Variants in PARD3B observed in about 807,000 individuals in gnomAD.
The protein encoded by PARD3B is partitioning defective 3 homolog B.
PARD3B carries 103 observed loss-of-function variants against 130.2 expected under a neutral mutation model. That is an observed-to-expected ratio of 0.79 (90% CI 0.67 to 0.93). The LOEUF is 0.93. Ranked by LOEUF, PARD3B falls within the 40% of genes least tolerant of loss-of-function variation. PARD3B has a pLI of 0.00. For missense variants in PARD3B, 1,609 were observed against 1,499.2 expected (o/e 1.07, Z -1.21); for synonymous variants, 583 against 553.2 (o/e 1.05, Z -0.76).
chr2:204,626,103 C>T (rs1030923759), intron 1 of PARD3B, among the ~76,000 whole-genome samples: 1 of 151,924 alleles, frequency 6.6e-6, no homozygotes, highest in African/African-American at 2.4e-5. Flanking sequence ...TATAGGAGTA[C>T]TTAAAATTTG....
In PARD3B at chr2:205,287,237, T is replaced by A. The variant is rs1236739781; in HGVS notation, c.2186-13293T>A. On this transcript the variant is annotated intron_variant, in intron 16 of 22. Coordinates refer to ENST00000406610, the MANE Select transcript of PARD3B (RefSeq NM_001302769.2). This position sits in a 1 kb window ranked among gnomAD's most constrained non-coding sequence, Gnocchi z 4.8. ...GGATGAGAGATTGGAGAATAGAATA[T>A]GAAGTCAAGACTGTGAGTTACAATG... Among the ~76,000 whole-genome samples the A allele has an allele frequency of 6.6e-6, 1 of 152,198 alleles. No homozygotes were observed. The highest frequency in any genetic ancestry group is 1.5e-5 in the Non-Finnish European group (1 of 68,030).
intron 2 of PARD3B, among the ~76,000 whole-genome samples, chr2:204,821,302 A>G (rs2043342282): frequency 6.6e-6 from 1 of 152,132 alleles, no homozygotes; most frequent in Non-Finnish European, 1.5e-5. Context: ...AACCAACCCA[A>G]ATGTCCAACA....
chr2:204,640,151 G>GAATGT (rs1378099037), intron 1 of PARD3B, among the ~76,000 whole-genome samples: 5 of 152,226 alleles, frequency 3.3e-5, no homozygotes, highest in African/African-American at 1.2e-4. Flanking sequence ...ATACTTGGGA[G>GAATGT]GCTGATATAG....
Position 204,858,554 on chromosome 2 carries a change from C to G in PARD3B, c.223-106598C>G, listed in dbSNP as rs947923581. On this transcript the variant is annotated intron_variant, in intron 2 of 22. Transcript: ENST00000406610. The stretch of plus-strand genomic sequence containing the variant: ...TATAGAGAGGATAAAACAGTGGTTG[C>G]CAGAGTTGGGGTAGGGGAGGAAATA... Among the ~76,000 whole-genome samples the G allele has an allele frequency of 2.0e-5, 3 of 149,098 alleles. No individual in the cohort carries two copies. The South Asian group carries it at 6.3e-4, about 31-fold the overall frequency.
chr2:205,421,678 G>C lies in PARD3B; in HGVS notation c.2742-18692G>C, dbSNP rs1051302323. The stretch of plus-strand genomic sequence containing the variant: ...TGCTGTAACAAATTACCACATACTT[G>C]GTATCATAAAACAACATAAATTTAT... On this transcript the variant is annotated intron_variant, in intron 19 of 22. Coordinates refer to ENST00000406610, the MANE Select transcript of PARD3B (RefSeq NM_001302769.2). This position sits in a 1 kb window ranked among gnomAD's most constrained non-coding sequence, Gnocchi z 5.1. Among the ~76,000 whole-genome samples, 1 of 152,050 alleles carries C rather than the reference G, an allele frequency of 6.6e-6. No individual in the cohort carries two copies. Among genetic ancestry groups the C allele is most frequent in the Non-Finnish European group, 1.5e-5 (1 of 68,028 alleles).
At chr2:205,221,008 G>A (rs1178937779) in intron 15 of PARD3B, among the ~76,000 whole-genome samples, 2 of 152,184 alleles carry the variant, frequency 1.3e-5, no homozygotes, top group Admixed American at 6.5e-5. Context: ...TCTAAATGTG[G>A]TTGGAAGCTA....
intron 2 of PARD3B, among the ~76,000 whole-genome samples, chr2:204,846,933 G>A (rs947266420): frequency 4.0e-5 from 6 of 151,842 alleles, no homozygotes; most frequent in Non-Finnish European, 8.8e-5. Context: ...AATTAGAGTC[G>A]TAGACATTGG....
chr2:205,526,322 T>C (rs562604490), intron 21 of PARD3B, among the ~76,000 whole-genome samples: 89 of 152,350 alleles, frequency 5.8e-4, no homozygotes, highest in Non-Finnish European at 5.1e-4. Flanking sequence ...GCTCCCCTGA[T>C]ATCTGTAGTG....
At chr2:204,951,510 A>G (rs1345233205) in intron 2 of PARD3B, among the ~76,000 whole-genome samples, 2 of 152,170 alleles carry the variant, frequency 1.3e-5, no homozygotes, top group Non-Finnish European at 2.9e-5. Flanking sequence ...TTATCTGGTC[A>G]TTTAAATATT....
intron 21 of PARD3B, among the ~76,000 whole-genome samples, chr2:205,551,166 T>A (rs1434281555): frequency 6.6e-6 from 1 of 151,484 alleles, no homozygotes; most frequent in Non-Finnish European, 1.5e-5. Context: ...AGTTGGAATA[T>A]CCAGAGCTAT....
At chr2:204,638,715 A>G (rs1032259161) in intron 1 of PARD3B, among the ~76,000 whole-genome samples, 1 of 152,166 alleles carries the variant, frequency 6.6e-6, no homozygotes, top group Non-Finnish European at 1.5e-5. Flanking sequence ...ATGACTATGC[A>G]TTAATTGTAC....
chr2:205,342,183 A>C (rs924410031), intron 18 of PARD3B, among the ~76,000 whole-genome samples: 1 of 152,188 alleles, frequency 6.6e-6, no homozygotes, highest in African/African-American at 2.4e-5. Context: ...TATTCAATTA[A>C]TATTTACTGA....
chr2:205,321,749 A>G lies in PARD3B; in HGVS notation c.2630+20048A>G, dbSNP rs2042760142. Reference sequence around the variant, plus strand: ...AATATGATTACAAGTCAAGAAAACCATTTTTGTGGGGTTTATCACTATCTA... The same window carrying G: ...AATATGATTACAAGTCAAGAAAACCGTTTTTGTGGGGTTTATCACTATCTA... On this transcript the variant is annotated intron_variant, in intron 18 of 22. Transcript: ENST00000406610. This position sits in a 1 kb window ranked among gnomAD's most constrained non-coding sequence, Gnocchi z 4.2. Among the ~76,000 whole-genome samples the G allele has an allele frequency of 6.6e-6, 1 of 152,196 alleles. No homozygotes were observed. Among genetic ancestry groups the G allele is most frequent in the Non-Finnish European group, 1.5e-5 (1 of 68,030 alleles).
chr2:205,493,717 TATGTATG>T (rs1223682139), intron 20 of PARD3B, among the ~76,000 whole-genome samples: 1 of 3,536 alleles, frequency 2.8e-4, no homozygotes, highest in Non-Finnish European at 0.018. Context: ...TCTTTTCATT[TATGTATG>T]TATTTATTTA....
At chr2:204,648,265 T>A in intron 1 of PARD3B, among the ~76,000 whole-genome samples, 1 of 151,454 alleles carries the variant, frequency 6.6e-6, no homozygotes, top group Middle Eastern at 3.4e-3. Flanking sequence ...ATAAAACTTA[T>A]TGAGGTATAA....
At position 205,592,291 on chromosome 2, in the gene PARD3B, G is replaced by A. The variant is rs2054414025; in HGVS notation, c.3261-23165G>A. On this transcript the variant is annotated intron_variant, in intron 22 of 22. Coordinates refer to ENST00000406610, the MANE Select transcript of PARD3B (RefSeq NM_001302769.2). The surrounding 1 kb of genome is among the most constrained non-coding windows in gnomAD (Gnocchi z 4.5). ...GGTTGACTTGTTCATTGGAATTGCT[G>A]TACGCCTTGGGAGCTTGGTCATTAG... 6.6e-6 allele frequency among the ~76,000 whole-genome samples: 1 copy of A among 152,210 alleles called. No individual in the cohort carries two copies.
At chr2:205,233,423 G>A (rs1035407746) in intron 15 of PARD3B, among the ~76,000 whole-genome samples, 1 of 151,844 alleles carries the variant, frequency 6.6e-6, no homozygotes, top group Non-Finnish European at 1.5e-5. Context: ...CATAAATGAA[G>A]ATAATCAGAA....
At chr2:205,379,961 A>G (rs1033271556) in intron 18 of PARD3B, among the ~76,000 whole-genome samples, 18 of 149,702 alleles carry the variant, frequency 1.2e-4, no homozygotes, top group African/African-American at 4.4e-4. Flanking sequence ...CCAGCTACTC[A>G]GGAGGCAGAG....
chr2:204,899,481 A>G (rs62179372), intron 2 of PARD3B, among the ~76,000 whole-genome samples: 1 of 152,042 alleles, frequency 6.6e-6, no homozygotes, highest in South Asian at 2.1e-4. Context: ...TTGCGTAAGC[A>G]TACAAGCAAG....
Sources: gnomAD v4.1 joint callset for allele counts (sites outside exome capture counted in the v4.1 genomes callset) on GRCh38, gnomAD v4.1.1 for gene constraint, Gnocchi (gnomAD v3.1) non-coding constraint, MANE v1.5 for transcripts, NCBI Gene and HGNC (gene_info 2026-07-23, HGNC 2026-07-21) for gene names.